RIMS2: variants seen among roughly 807,000 people sequenced by gnomAD.
RIMS2 encodes regulating synaptic membrane exocytosis 2.
RIMS2 carries 59 observed loss-of-function variants against 174.4 expected under a neutral mutation model. The observed-to-expected ratio is 0.34, with a 90% CI of 0.27 to 0.42. RIMS2 has a LOEUF of 0.42. Among genes scored for constraint, RIMS2 ranks in the 10% least tolerant of loss-of-function variants. RIMS2 has a pLI of 1.00. For missense variants in RIMS2, 1,620 were observed against 1,666.3 expected, an observed-to-expected ratio of 0.97 and a Z score of 0.48; for synonymous variants, 606 against 572.5, an observed-to-expected ratio of 1.06 and a Z score of -0.84.
At chr8:103,839,772 T>A (rs181794626) in intron 3 of RIMS2, among the ~76,000 whole-genome samples, 3 of 152,310 alleles carry the variant, frequency 2.0e-5, no homozygotes, top group African/African-American at 7.2e-5. Context: ...GTACTTTGCA[T>A]CAAAAATTCT....
chr8:104,164,595 T>C (rs2098785326), intron 19 of RIMS2, among the ~76,000 whole-genome samples: 1 of 152,194 alleles, frequency 6.6e-6, no homozygotes, highest in African/African-American at 2.4e-5. Context: ...ATGTGGTACA[T>C]ATATACCATG....
chr8:104,213,635 C>T (rs1051858556), intron 19 of RIMS2, among the ~76,000 whole-genome samples: 3 of 152,044 alleles, frequency 2.0e-5, no homozygotes, highest in Non-Finnish European at 4.4e-5. Context: ...CCAGCACTTT[C>T]GGAGGCCAAG....
chr8:103,743,643 A>G (rs1591491595), intron 2 of RIMS2, among the ~76,000 whole-genome samples: 1 of 152,212 alleles, frequency 6.6e-6, no homozygotes, highest in East Asian at 1.9e-4. Flanking sequence ...TTTATGCTCT[A>G]AGGAAGTATT....
chr8:103,958,447 G>A (rs556161774), intron 14 of RIMS2, among the ~76,000 whole-genome samples: 1 of 152,156 alleles, frequency 6.6e-6, no homozygotes, highest in South Asian at 2.1e-4. Flanking sequence ...AAACATAACT[G>A]TTAGATACTG....
chr8:103,805,992 T>C (rs1465522832), intron 3 of RIMS2, among the ~76,000 whole-genome samples: 1 of 152,084 alleles, frequency 6.6e-6, no homozygotes, highest in East Asian at 1.9e-4. Flanking sequence ...AAAATAACTT[T>C]TTCATTTCTG....
chr8:103,608,520 C>A (rs1234084235), intron 1 of RIMS2, among the ~76,000 whole-genome samples: 20 of 143,254 alleles, frequency 1.4e-4, no homozygotes, highest in Non-Finnish European at 2.6e-4. Flanking sequence ...TGGGCTCCAC[C>A]CAGTTCGAGC....
intron 19 of RIMS2, among the ~76,000 whole-genome samples, chr8:104,077,642 G>A (rs1377777125): frequency 1.4e-5 from 2 of 143,000 alleles, no homozygotes; most frequent in African/African-American, 5.1e-5. Context: ...TTATACATCT[G>A]TGTTTACACA....
At chr8:104,082,763 CTA>C (rs1350839085) in intron 19 of RIMS2, among the ~76,000 whole-genome samples, 1 of 151,624 alleles carries the variant, frequency 6.6e-6, no homozygotes, top group Non-Finnish European at 1.5e-5. Flanking sequence ...ATCTATATAT[CTA>C]TATTCTTTTA....
chr8:103,697,814 C>G (rs1255927772), intron 2 of RIMS2, among the ~76,000 whole-genome samples: 5 of 152,066 alleles, frequency 3.3e-5, no homozygotes, highest in African/African-American at 4.8e-5. Flanking sequence ...ATCACAAGGT[C>G]AGGAGTTCGA....
intron 19 of RIMS2, among the ~76,000 whole-genome samples, chr8:104,063,479 C>G (rs1369436944): frequency 6.6e-6 from 1 of 151,816 alleles, no homozygotes; most frequent in Non-Finnish European, 1.5e-5. Flanking sequence ...TTTTTTTAAC[C>G]TGAGGTTGAA....
chr8:104,241,002 T>C (rs566924358), intron 19 of RIMS2, among the ~76,000 whole-genome samples: 1 of 152,276 alleles, frequency 6.6e-6, no homozygotes, highest in African/African-American at 2.4e-5. Context: ...AGAGGGTATG[T>C]AACTTGCTCA....
chr8:104,100,929 G>T (rs1010078655), intron 19 of RIMS2, among the ~76,000 whole-genome samples: 41 of 103,898 alleles, frequency 3.9e-4, no homozygotes, highest in Non-Finnish European at 6.4e-4. Context: ...TTATATATGT[G>T]ATATATTATA....
intron 17 of RIMS2, among the ~76,000 whole-genome samples, chr8:104,011,149 A>T (rs934113697): frequency 5.3e-5 from 8 of 152,136 alleles, no homozygotes; most frequent in African/African-American, 1.9e-4. Flanking sequence ...TAGCAGTAAC[A>T]TTGTGTCTAA....
intron 1 of RIMS2, among the ~76,000 whole-genome samples, chr8:103,677,939 C>T (rs2096835475): frequency 1.3e-5 from 2 of 152,204 alleles, no homozygotes; most frequent in South Asian, 4.2e-4. Context: ...ATTTATTTAT[C>T]TGTGCTTTGC....
chr8:103,738,162 C>A (rs2097711163), intron 2 of RIMS2, among the ~76,000 whole-genome samples: 1 of 152,080 alleles, frequency 6.6e-6, no homozygotes, highest in South Asian at 2.1e-4. Context: ...CACTAATTTT[C>A]TTCCCTGCCC....
At chr8:103,739,435 G>A (rs1470610104) in intron 2 of RIMS2, among the ~76,000 whole-genome samples, 2 of 152,152 alleles carry the variant, frequency 1.3e-5, no homozygotes, top group African/African-American at 2.4e-5. Context: ...TGTAAATGAC[G>A]AGTTAATGGG....
intron 10 of RIMS2, chr8:103,927,723 G>A: frequency 1.4e-6 from 1 of 694,800 alleles, no homozygotes; most frequent in South Asian, 1.7e-5. Flanking sequence ...TATTGTCATG[G>A]AAAAATTGTA....
intron 15 of RIMS2, among the ~76,000 whole-genome samples, chr8:103,973,897 G>A (rs1423359289): frequency 1.3e-5 from 2 of 152,112 alleles, no homozygotes; most frequent in Non-Finnish European, 2.9e-5. Context: ...ACTCACAGCT[G>A]TCCCTCTCTC....
exon 4 of RIMS2, chr8:103,885,947 C>T: frequency 1.9e-6 from 3 of 1,612,938 alleles, no homozygotes; most frequent in Non-Finnish European, 2.5e-6. Context: ...AGACTTGAGG[C>T]GTACTGACTC....
Sources: allele counts gnomAD v4.1 joint callset (sites outside exome capture counted in the v4.1 genomes callset), GRCh38; gene constraint gnomAD v4.1.1; transcripts MANE v1.5; gene names NCBI Gene and HGNC (gene_info 2026-07-23, HGNC 2026-07-21).